MGMT: variants seen among roughly 807,000 people sequenced by gnomAD.
The protein encoded by MGMT is O-6-methylguanine-DNA methyltransferase, also known as methylated-DNA--protein-cysteine methyltransferase.
Under a neutral mutation model 15.9 loss-of-function variants are expected in MGMT, and 14 were observed. The observed-to-expected ratio is 0.88, with a 90% CI of 0.58 to 1.37. The LOEUF (loss-of-function observed/expected upper bound fraction) is 1.37. Among genes scored for constraint, MGMT ranks in the 40% most tolerant of loss-of-function variants. The pLI is 0.00. For synonymous variants in MGMT, 130 were observed against 118.2 expected, an observed-to-expected ratio of 1.10 and a Z score of -0.65; for missense variants, 282 against 268.1, an observed-to-expected ratio of 1.05 and a Z score of -0.36.
chr10:129,564,630 TCC>T (rs1846329576), intron 2 of MGMT, among the ~76,000 whole-genome samples: 2 of 25,048 alleles, frequency 8.0e-5, no homozygotes, highest in Non-Finnish European at 1.8e-4. Context: ...CTCCCCTGCT[TCC>T]CCTCCTCTGC....
chr10:129,692,592 G>T (rs368793000), intron 2 of MGMT, among the ~76,000 whole-genome samples: 1 of 152,216 alleles, frequency 6.6e-6, no homozygotes, highest in East Asian at 1.9e-4. Flanking sequence ...GCCAAGTGGT[G>T]ACGTGGAATG....
At chr10:129,588,917 G>T (rs925289604) in intron 2 of MGMT, among the ~76,000 whole-genome samples, 1 of 152,244 alleles carries the variant, frequency 6.6e-6, no homozygotes, top group South Asian at 2.1e-4. Context: ...GGAGAAACTC[G>T]CGCAGATTCC....
At chr10:129,678,346 C>G (rs1007405658) in intron 2 of MGMT, among the ~76,000 whole-genome samples, 6 of 152,030 alleles carry the variant, frequency 3.9e-5, no homozygotes, top group Non-Finnish European at 8.8e-5. Flanking sequence ...TTCCAGGCCC[C>G]GCTGCCCTGG....
At chr10:129,572,744 T>C (rs550670527) in intron 2 of MGMT, among the ~76,000 whole-genome samples, 1 of 152,338 alleles carries the variant, frequency 6.6e-6, no homozygotes, top group Admixed American at 6.5e-5. Flanking sequence ...TAATTTGGGA[T>C]AGAGACTGTG....
intron 2 of MGMT, among the ~76,000 whole-genome samples, chr10:129,593,567 G>T (rs544226639): frequency 6.6e-6 from 1 of 152,164 alleles, no homozygotes; most frequent in African/African-American, 2.4e-5. Context: ...GTCATATCAC[G>T]TCCCCTTCTG....
chr10:129,667,523 C>T (rs1847672947), intron 2 of MGMT, among the ~76,000 whole-genome samples: 1 of 152,098 alleles, frequency 6.6e-6, no homozygotes, highest in Non-Finnish European at 1.5e-5. Context: ...TTAGTATCTT[C>T]CACTCTGATG....
At chr10:129,550,336 G>A (rs1479726230) in intron 2 of MGMT, among the ~76,000 whole-genome samples, 7 of 142,292 alleles carry the variant, frequency 4.9e-5, no homozygotes, top group Admixed American at 1.4e-4. Flanking sequence ...GCCCAGCACC[G>A]GCATGTTTCA....
In MGMT at chr10:129,582,372, G is replaced by A. The variant is rs144355066; in HGVS notation, c.125+45995G>A. 4.6e-5 allele frequency among the ~76,000 whole-genome samples: 7 copies of A among 152,298 alleles called. No individual in the cohort carries two copies. In the East Asian group the frequency reaches 9.7e-4, roughly 21 times the overall value. On this transcript the variant is annotated intron_variant, in intron 2 of 4. Coordinates refer to ENST00000651593, the MANE Select transcript of MGMT (RefSeq NM_002412.5). ...GTGTTATAGTTCTCATGACCACTGC[G>A]CAGTGTTGCTGTGCTCTGCCTCTGA...
chr10:129,518,524 C>A (rs1437309219), intron 1 of MGMT, among the ~76,000 whole-genome samples: 2 of 101,258 alleles, frequency 2.0e-5, no homozygotes, highest in African/African-American at 4.2e-5. Flanking sequence ...TTCCCCCTGC[C>A]CCTCCTCCCC....
At chr10:129,623,527 G>GTA (rs568327271) in intron 2 of MGMT, among the ~76,000 whole-genome samples, 20 of 152,000 alleles carry the variant, frequency 1.3e-4, no homozygotes, top group African/African-American at 2.7e-4. Flanking sequence ...ACCTTTTTAA[G>GTA]TATATATATA....
In MGMT at chr10:129,723,588, A is replaced by G. The variant is rs138066197; in HGVS notation, c.274+15545A>G. The stretch of plus-strand genomic sequence containing the variant: ...TTTATTAAAAGACTTCATTAAGTAA[A>G]TGAGGAACAGGCCACAGAATGAGAG... On this transcript the variant is annotated intron_variant, in intron 3 of 4. Transcript: ENST00000651593. Among the ~76,000 whole-genome samples, 6 of 152,364 alleles carry G rather than the reference A, an allele frequency of 3.9e-5. No homozygotes were observed. In the East Asian group the frequency reaches 1.2e-3, roughly 29 times the overall value.
intron 2 of MGMT, among the ~76,000 whole-genome samples, chr10:129,657,689 A>ACACACACACACACACACG (rs1277794879): frequency 5.7e-5 from 8 of 140,564 alleles, no homozygotes; most frequent in Non-Finnish European, 1.1e-4. Context: ...ACACACACAC[A>ACACACACACACACACACG]CACACACACA....
At chr10:129,522,396 G>A (rs1054187357) in intron 1 of MGMT, among the ~76,000 whole-genome samples, 6 of 152,194 alleles carry the variant, frequency 3.9e-5, no homozygotes, top group Admixed American at 3.9e-4. Flanking sequence ...TTTCCTGTGT[G>A]GGTGTGTGAC....
intron 2 of MGMT, among the ~76,000 whole-genome samples, chr10:129,703,350 C>T (rs1848121005): frequency 6.6e-6 from 1 of 152,180 alleles, no homozygotes; most frequent in Non-Finnish European, 1.5e-5. Flanking sequence ...GAAGGACGCC[C>T]GCGTGGGCAG....
chr10:129,637,902 A>T (rs903941797), intron 2 of MGMT, among the ~76,000 whole-genome samples: 1 of 152,180 alleles, frequency 6.6e-6, no homozygotes, highest in Non-Finnish European at 1.5e-5. Flanking sequence ...TGAGAAAATA[A>T]ATGTCTGTTC....
chr10:129,519,213 A>G (rs1446902167), intron 1 of MGMT, among the ~76,000 whole-genome samples: 2 of 152,198 alleles, frequency 1.3e-5, no homozygotes, highest in Non-Finnish European at 2.9e-5. Flanking sequence ...GTTTTTGAAG[A>G]ATTTACTGTA....
At chr10:129,683,937 A>T (rs1412515137) in intron 2 of MGMT, among the ~76,000 whole-genome samples, 1 of 152,196 alleles carries the variant, frequency 6.6e-6, no homozygotes, top group Non-Finnish European at 1.5e-5. Flanking sequence ...TTTTTTTAAC[A>T]GTACCTCCAG....
At position 129,759,298 on chromosome 10, in the gene MGMT, C is replaced by T. The variant is rs749070988; in HGVS notation, c.371C>T (p.Pro124Leu). 6.2e-7 allele frequency: 1 copy of T among 1,614,170 alleles called. No homozygotes were observed. The highest frequency in any genetic ancestry group is 8.5e-7 in the Non-Finnish European group (1 of 1,180,042). ...YQQLAALAGNPKAARAVGGAM... is the reference protein window; with the variant it reads ...YQQLAALAGNLKAARAVGGAM... ...CAATTAGCAGCCCTGGCAGGCAACC[C>T]CAAAGCCGCGCGAGCAGTGGGAGGA... is the stretch of plus-strand genomic sequence containing the variant. The change falls in exon 4 of 5, where the codon CCC becomes CTC. Residue 124 changes from proline to leucine, a missense_variant. Pro to Leu is a moderately conservative substitution (Grantham distance 98). Coordinates refer to ENST00000651593, the MANE Select transcript of MGMT (RefSeq NM_002412.5).
intron 1 of MGMT, among the ~76,000 whole-genome samples, chr10:129,509,480 G>A (rs531404493): frequency 6.6e-6 from 1 of 152,224 alleles, no homozygotes; most frequent in African/African-American, 2.4e-5. Context: ...TATAGAAAAA[G>A]GTGTGTTTTA....
Sources: allele counts gnomAD v4.1 joint callset (sites outside exome capture counted in the v4.1 genomes callset), GRCh38; gene constraint gnomAD v4.1.1; transcripts MANE v1.5; gene names NCBI Gene and HGNC (gene_info 2026-07-23, HGNC 2026-07-21).